Variants in FAM76A observed in about 807,000 individuals in gnomAD.
FAM76A encodes the protein family with sequence similarity 76 member A, also known as protein FAM76A.
FAM76A carries 32 observed loss-of-function variants against 46.2 expected under a neutral mutation model. That is an observed-to-expected ratio of 0.69 (90% CI 0.52 to 0.93). The LOEUF is 0.93. Ranked by LOEUF, FAM76A falls within the 40% of genes least tolerant of loss-of-function variation. The pLI is 0.00. For missense variants in FAM76A, 274 were observed against 361.5 expected (o/e 0.76, Z 1.96); for synonymous variants, 137 against 127.0 (o/e 1.08, Z -0.53).
In FAM76A at chr1:27,762,152, GA is replaced by G. The variant is rs1394836713; in HGVS notation, c.*1573del. The G allele has an allele frequency of 1.3e-5, 2 of 152,084 alleles. No homozygotes were observed. The highest frequency in any genetic ancestry group is 2.9e-5 in the Non-Finnish European group (2 of 68,026). 9.4% of individuals were successfully genotyped at this position (152,084 alleles called of 1,614,324 possible). On this transcript the variant is annotated 3_prime_UTR_variant, in exon 9 of 9. Transcript: ENST00000373954. ...ATGTATTGAAAACAGGTGCTTCTCA[GA>G]AGCACTTTGCCTCAACCAGAGTTAT...
rs1334464233 is a variant in FAM76A at position 27,760,860 on chromosome 1, C to CTTTTTTTTTTTTTTTT, written c.*288_*289insTTTTTTTTTTTTTTTT. The CTTTTTTTTTTTTTTTT allele has an allele frequency of 4.9e-5, 2 of 41,120 alleles. No homozygotes were observed. Among genetic ancestry groups the CTTTTTTTTTTTTTTTT allele is most frequent in the Non-Finnish European group, 1.1e-4 (2 of 18,334 alleles). The allele number at this position is 41,120 out of a possible 1,614,324, so 2.5% of individuals were successfully genotyped here. A position where few individuals can be genotyped will look rare whatever the true frequency, so the allele number is the denominator to read the frequency against. ...CTCTTCTCTCTATTTTGGTTCTATT[C>CTTTTTTTTTTTTTTTT]TTTTTTTTTCTTTTTTCTTTTTTTT... is the stretch of plus-strand genomic sequence containing the variant. On this transcript the variant is annotated 3_prime_UTR_variant, in exon 9 of 9. Transcript: ENST00000373954.
Position 27,755,248 on chromosome 1 carries a change from T to C in FAM76A, c.653T>C (p.Ile218Thr). The part of the protein sequence containing the change: ...DSPGTDHFVI[I>T]AQLKEEVATL... ...CCAGGCACTGACCACTTTGTCATCA[T>C]TGCCCAACTGAAGGAAGAAGTGGCT... The change falls in exon 7 of 9, where the codon ATT (isoleucine) becomes ACT (threonine). Residue 218 changes from isoleucine to threonine, a missense_variant. Physicochemically the swap from Ile to Thr is moderately conservative, Grantham distance 89. Coordinates refer to ENST00000373954, the MANE Select transcript of FAM76A (RefSeq NM_152660.3). 1.2e-6 allele frequency: 2 copies of C among 1,614,194 alleles called. No homozygotes were observed. The highest frequency in any genetic ancestry group is 1.1e-5 in the South Asian group (1 of 91,084).
rs1387448569 is a variant in FAM76A at position 27,732,627 on chromosome 1, A to G, written c.171A>G (p.Lys57=). 1 of 1,609,900 alleles carries G rather than the reference A, an allele frequency of 6.2e-7. No individual in the cohort carries two copies. Among genetic ancestry groups the G allele is most frequent in the Admixed American group, 1.7e-5 (1 of 59,980 alleles). ...QESKTNTICK[K]CAQNVQLYGT... ...GTAAAACCAATACAATATGCAAGAA[A>G]TGTGCTCAGAACGTGCAGTTGTATG... The change falls in exon 3 of 9, where the codon AAA becomes AAG. Residue 57 remains lysine (K), a synonymous_variant. Transcript: ENST00000373954.
Position 27,757,751 on chromosome 1 carries a change from T to C in FAM76A, c.736-1775T>C, listed in dbSNP as rs537581975. On this transcript the variant is annotated intron_variant, in intron 7 of 8. Coordinates refer to ENST00000373954, the MANE Select transcript of FAM76A (RefSeq NM_152660.3). The stretch of plus-strand genomic sequence containing the variant: ...CACCATTTTGGGAGGCCAAGGCGGG[T>C]GGATCACGAGGGCAGGAGATCAAGA... 2.8e-4 allele frequency among the ~76,000 whole-genome samples: 43 copies of C among 151,776 alleles called. No individual in the cohort carries two copies. In the East Asian group the frequency reaches 6.9e-3, roughly 24 times the overall value.
intron 8 of FAM76A, chr1:27,760,172 C>A: frequency 2.8e-6 from 1 of 362,404 alleles, no homozygotes; most frequent in Non-Finnish European, 5.4e-6. Context: ...TTGAATAAAC[C>A]AGATGTGATT....
intron 6 of FAM76A, among the ~76,000 whole-genome samples, chr1:27,749,670 T>C (rs961824248): frequency 6.6e-6 from 1 of 152,178 alleles, no homozygotes; most frequent in Non-Finnish European, 1.5e-5. Flanking sequence ...CTACACTAAT[T>C]CTAAGAAGTC....
chr1:27,727,198 C>T (rs1169270169), intron 1 of FAM76A, among the ~76,000 whole-genome samples: 1 of 152,190 alleles, frequency 6.6e-6, no homozygotes, highest in African/African-American at 2.4e-5. Context: ...GAATTCAGGG[C>T]TTCTGATTCC....
chr1:27,755,127 T>C, intron 6 of FAM76A, 68 bp from the exon 7 acceptor site: 1 of 1,571,416 alleles, frequency 6.4e-7, no homozygotes, highest in South Asian at 1.1e-5. Context: ...TGGTCTAGGA[T>C]GCATCCTCAG....
At chr1:27,752,558 T>C (rs888526010) in intron 6 of FAM76A, among the ~76,000 whole-genome samples, 2 of 152,210 alleles carry the variant, frequency 1.3e-5, no homozygotes, top group African/African-American at 4.8e-5. Flanking sequence ...GGTTTATTGT[T>C]TCTAAAGGAC....
At chr1:27,733,931 A>C in intron 3 of FAM76A, 100 bp from the exon 4 acceptor site, 1 of 1,146,198 alleles carries the variant, frequency 8.7e-7, no homozygotes. Context: ...ATACATTTGT[A>C]CCATGACTAA....
intron 8 of FAM76A, 54 bp downstream of exon 8, chr1:27,759,681 C>A: frequency 8.7e-7 from 1 of 1,155,610 alleles, no homozygotes; most frequent in Non-Finnish European, 1.3e-6. Flanking sequence ...CCTGGTATAC[C>A]TAGCTGATTG....
chr1:27,737,868 C>CAAA (rs71571865), intron 4 of FAM76A, among the ~76,000 whole-genome samples: 304 of 61,840 alleles, frequency 4.9e-3, no homozygotes, highest in Non-Finnish European at 7.7e-3. Flanking sequence ...ACAACAACAA[C>CAAA]AAAAAAAAAA....
intron 6 of FAM76A, among the ~76,000 whole-genome samples, chr1:27,754,880 G>A (rs2088384689): frequency 6.6e-6 from 1 of 152,276 alleles, no homozygotes; most frequent in Non-Finnish European, 1.5e-5. Flanking sequence ...ACATCACTGG[G>A]GATCTTTAAG....
rs1033845069 is a variant in FAM76A, at chr1:27,755,185, T to C, written c.600-10T>C. On this transcript the variant is annotated splice_polypyrimidine_tract_variant and intron_variant, in intron 6 of 8. Transcript: ENST00000373954. Reference sequence around the variant, plus strand: ...AAGTTAAAATATTTTCCCCTGATTTTTAAATTTAGCTTCTCCCCAGACCTG... The same window carrying C: ...AAGTTAAAATATTTTCCCCTGATTTCTAAATTTAGCTTCTCCCCAGACCTG... 6.2e-7 allele frequency: 1 copy of C among 1,613,140 alleles called. No individual in the cohort carries two copies. The highest frequency in any genetic ancestry group is 1.1e-5 in the South Asian group (1 of 90,922).
intron 4 of FAM76A, chr1:27,739,560 GTGGATCACTTGAGCCCAGGAGT>G: frequency 3.1e-6 from 1 of 319,046 alleles, no homozygotes; most frequent in South Asian, 2.7e-5. Flanking sequence ...GCCGAGGCAG[GTGGATCACTTGAGCCCAGGAGT>G]TGGAGACCAG....
chr1:27,746,105 T>A (rs1488188943), intron 5 of FAM76A, among the ~76,000 whole-genome samples: 2 of 152,162 alleles, frequency 1.3e-5, no homozygotes, highest in African/African-American at 4.8e-5. Flanking sequence ...TCTAAGAGTT[T>A]GGGTAAGAGA....
rs755507573 is a variant in FAM76A, at chr1:27,734,142, A to C, written c.313A>C (p.Lys105Gln). ...ACCACCCTATTCTTGTGAACAGTGC[A>C]AGCAGCAGTGTGCATTTGACAGGAA... ...YGPPYSCEQC[K>Q]QQCAFDRKDD... Residue 105 changes from lysine (K) to glutamine (Q), a missense_variant, in exon 4 of 9, where the codon AAG (lysine) becomes CAG (glutamine). Transcript: ENST00000373954. 1 of 1,603,112 alleles carries C rather than the reference A, an allele frequency of 6.2e-7. No individual in the cohort carries two copies. Among genetic ancestry groups the C allele is most frequent in the Non-Finnish European group, 8.5e-7 (1 of 1,176,272 alleles).
intron 4 of FAM76A, among the ~76,000 whole-genome samples, chr1:27,743,727 T>C (rs1408457995): frequency 6.6e-6 from 1 of 151,708 alleles, no homozygotes; most frequent in East Asian, 1.9e-4. Context: ...ATCATACCAC[T>C]GCTCTCCAGT....
At chr1:27,742,757 A>C (rs954929687) in intron 4 of FAM76A, among the ~76,000 whole-genome samples, 2 of 152,182 alleles carry the variant, frequency 1.3e-5, no homozygotes, top group Non-Finnish European at 2.9e-5. Context: ...TCACCACAAA[A>C]AAACAAACAA....
Sources: gnomAD v4.1 joint callset for allele counts (sites outside exome capture counted in the v4.1 genomes callset) on GRCh38, gnomAD v4.1.1 for gene constraint, MANE v1.5 for transcripts, NCBI Gene and HGNC (gene_info 2026-07-23, HGNC 2026-07-21) for gene names.